Variants in RBL1 observed in about 807,000 individuals in gnomAD.
RBL1 encodes retinoblastoma-like protein 1.
RBL1 carries 82 observed loss-of-function variants against 123.0 expected under a neutral mutation model. That is an observed-to-expected ratio of 0.67 (90% CI 0.56 to 0.80). RBL1 has a LOEUF of 0.80. RBL1 is among the 30% of genes least tolerant of loss of function. The probability of loss-of-function intolerance (pLI) is 0.00; values close to 1 mark genes in which losing one functional copy is unlikely to be tolerated. For missense variants in RBL1, 1,171 were observed against 1,299.6 expected, an observed-to-expected ratio of 0.90 and a Z score of 1.52; for synonymous variants, 405 against 441.3, an observed-to-expected ratio of 0.92 and a Z score of 1.03.
Position 37,068,077 on chromosome 20 carries a change from C to G in RBL1, c.400G>C (p.Val134Leu). ...RLERNFEVST[V>L]IFKKYEPIFL... is the part of the protein sequence containing the mutation. ...ATTGGCTCATATTTTTTGAATATTA[C>G]AGTAGACACCTCAAAATTTCTCTCT... Residue 134 changes from valine (V) to leucine (L), a missense_variant, in exon 3 of 22, where the codon GTA (valine) becomes CTA (leucine). Val to Leu is a conservative substitution (Grantham distance 32). Coordinates refer to ENST00000373664, the MANE Select transcript of RBL1 (RefSeq NM_002895.5). The G allele has an allele frequency of 6.2e-7, 1 of 1,613,168 alleles. No homozygotes were observed. Among genetic ancestry groups the G allele is most frequent in the Non-Finnish European group, 8.5e-7 (1 of 1,179,844 alleles).
intron 21 of RBL1, among the ~76,000 whole-genome samples, chr20:36,999,566 C>T (rs1007862649): frequency 6.6e-6 from 1 of 151,890 alleles, no homozygotes; most frequent in Non-Finnish European, 1.5e-5. Context: ...GTACTGCTGC[C>T]ATCTCGGCTC....
Position 36,999,558 on chromosome 20 carries a change from A to G in RBL1, c.3037-629T>C, listed in dbSNP as rs955070375. On this transcript the variant is annotated intron_variant, in intron 21 of 21. Transcript: ENST00000373664. ...TGATGCCGAGCCAAAGCTGGACTGT[A>G]CTGCTGCCATCTCGGCTCACTGCAA... 3.4e-4 allele frequency among the ~76,000 whole-genome samples: 51 copies of G among 150,134 alleles called. 1 individual carries two copies. The East Asian group carries it at 9.9e-3, about 29-fold the overall frequency.
chr20:37,078,992 G>C (rs1651043695), intron 2 of RBL1, among the ~76,000 whole-genome samples: 1 of 152,042 alleles, frequency 6.6e-6, no homozygotes, highest in Admixed American at 6.6e-5. Context: ...GAGCTCAGGA[G>C]TTCAAGACCA....
rs1157390851 is a variant in RBL1, at chr20:37,062,289, T to C, written c.897-19A>G. 4 of 1,611,472 alleles carry C rather than the reference T, an allele frequency of 2.5e-6. No homozygotes were observed. In the East Asian group the frequency reaches 6.7e-5, roughly 27 times the overall value. On this transcript the variant is annotated intron_variant, in intron 7 of 21. Coordinates refer to ENST00000373664, the MANE Select transcript of RBL1 (RefSeq NM_002895.5). ...TGCTTTGCTGCAAAGAGAATTATTA[T>C]AAGCTGTAATACTAAGTTACACAAT...
chr20:37,046,401 CTCTT>C (rs940412041), intron 12 of RBL1, among the ~76,000 whole-genome samples: 1 of 151,954 alleles, frequency 6.6e-6, no homozygotes, highest in African/African-American at 2.4e-5. Context: ...CCTTCTCTCT[CTCTT>C]TTTTTTTCTT....
At chr20:37,085,051 G>A (rs1257028840) in intron 2 of RBL1, among the ~76,000 whole-genome samples, 1 of 151,794 alleles carries the variant, frequency 6.6e-6, no homozygotes, top group Non-Finnish European at 1.5e-5. Context: ...CCAGGCATGA[G>A]CTACTGCGCC....
chr20:37,029,027 T>C (rs921611268), intron 16 of RBL1, among the ~76,000 whole-genome samples: 1 of 152,212 alleles, frequency 6.6e-6, no homozygotes, highest in Non-Finnish European at 1.5e-5. Context: ...AACTTATTTT[T>C]AGAAGGTAAG....
chr20:37,012,132 C>T (rs1017508073), intron 19 of RBL1, among the ~76,000 whole-genome samples: 2 of 152,230 alleles, frequency 1.3e-5, no homozygotes, highest in South Asian at 2.1e-4. Context: ...GCCGAGGTGC[C>T]GGGATTGCAG....
At position 37,044,153 on chromosome 20, in the gene RBL1, C is replaced by T; in HGVS notation, c.1703G>A (p.Trp568Ter). 2 of 1,613,378 alleles carry T rather than the reference C, an allele frequency of 1.2e-6. No individual in the cohort carries two copies. Among genetic ancestry groups the T allele is most frequent in the Non-Finnish European group, 1.7e-6 (2 of 1,179,796 alleles). ...IEEQILESLAWSHDSALWEAL... is the reference protein window; with the variant it reads ...IEEQILESLA ...CTCCCACAGTGCAGAATCGTGACTC[C>T]ATGCTAAACTCTCCAAAATCTGTTC... The change falls in exon 13 of 22, where the codon TGG (tryptophan) becomes TAG (stop). Residue 568 changes from tryptophan to a stop codon, truncating the protein, a stop_gained. Coordinates refer to ENST00000373664, the MANE Select transcript of RBL1 (RefSeq NM_002895.5). LOFTEE classifies it high-confidence loss of function.
chr20:37,083,521 T>C (rs2065488171), intron 2 of RBL1, among the ~76,000 whole-genome samples: 1 of 148,438 alleles, frequency 6.7e-6, no homozygotes, highest in Non-Finnish European at 1.5e-5. Context: ...GCGCGGTGGC[T>C]CACACCTGTA....
At chr20:37,001,999 G>A (rs928495733) in intron 21 of RBL1, among the ~76,000 whole-genome samples, 3 of 148,610 alleles carry the variant, frequency 2.0e-5, no homozygotes, top group Non-Finnish European at 4.4e-5. Context: ...AGTAGCTCTC[G>A]ATGTGTAGTA....
intron 19 of RBL1, among the ~76,000 whole-genome samples, chr20:37,016,042 T>C (rs1468540839): frequency 2.3e-3 from 310 of 137,536 alleles, no homozygotes; most frequent in African/African-American, 7.6e-3. Flanking sequence ...TTTTTTTTTT[T>C]CTTGAGATGG....
chr20:37,067,424 CTAT>C (rs2146303579), intron 3 of RBL1, 127 bp from the exon 4 acceptor site: 1 of 780,604 alleles, frequency 1.3e-6, no homozygotes, highest in East Asian at 2.9e-5. Context: ...GAAAAGTAAT[CTAT>C]TATTTATGAA....
intron 9 of RBL1, among the ~76,000 whole-genome samples, chr20:37,057,486 T>C (rs1255277522): frequency 6.6e-6 from 1 of 152,230 alleles, no homozygotes; most frequent in African/African-American, 2.4e-5. Context: ...TTCATATGCT[T>C]TTGGCCAGTT....
chr20:37,005,877 CTTTTTTTTTTTTCTTTCTTT>C (rs2064061880), intron 20 of RBL1, among the ~76,000 whole-genome samples: 1 of 106,340 alleles, frequency 9.4e-6, no homozygotes, highest in African/African-American at 4.3e-5. Context: ...GCCTTCTTTT[CTTTTTTTTTTTTCTTTCTTT>C]TTTTTTTTTT....
At chr20:37,058,155 C>T (rs1357331963) in intron 9 of RBL1, among the ~76,000 whole-genome samples, 5 of 134,552 alleles carry the variant, frequency 3.7e-5, no homozygotes, top group Non-Finnish European at 8.3e-5. Context: ...AAAAAAAAGC[C>T]TATTCCAGGG....
At chr20:36,999,842 C>T (rs1390192766) in intron 21 of RBL1, among the ~76,000 whole-genome samples, 2 of 152,214 alleles carry the variant, frequency 1.3e-5, no homozygotes, top group Non-Finnish European at 2.9e-5. Flanking sequence ...CGGCTCGCTA[C>T]AACCTCCACT....
At chr20:37,000,869 G>A (rs1428688160) in intron 21 of RBL1, among the ~76,000 whole-genome samples, 166 of 142,600 alleles carry the variant, frequency 1.2e-3, no homozygotes, top group African/African-American at 4.1e-3. Flanking sequence ...CCCTCTGCCC[G>A]GCCAGCCGCC....
In RBL1 at chr20:37,089,032, T is replaced by G; in HGVS notation, c.247A>C (p.Asn83His). Residue 83 changes from asparagine (N) to histidine (H), a missense_variant, in exon 2 of 22, where the codon AAC (asparagine) becomes CAC (histidine). Asn to His is a moderately conservative substitution (Grantham distance 68, BLOSUM62 1). Transcript: ENST00000373664. ...PTVGKGIMEGNCVSLTRILRS... is the reference protein window; with the variant it reads ...PTVGKGIMEGHCVSLTRILRS... ...AGTATTCTGGTAAGTGAAACACAGT[T>G]GCCTTCCATGATACCCTTTCCAACC... 1 of 1,612,322 alleles carries G rather than the reference T, an allele frequency of 6.2e-7. No individual in the cohort carries two copies.
Sources: allele counts gnomAD v4.1 joint callset (sites outside exome capture counted in the v4.1 genomes callset), GRCh38; gene constraint gnomAD v4.1.1; transcripts MANE v1.5; gene names NCBI Gene and HGNC (gene_info 2026-07-23, HGNC 2026-07-21).